ADAM18: variants seen among roughly 807,000 people sequenced by gnomAD.
ADAM18 encodes the protein ADAM metallopeptidase domain 18.
ADAM18 carries 117 observed loss-of-function variants against 94.4 expected under a neutral mutation model. The observed-to-expected ratio is 1.24, with a 90% confidence interval of 1.07 to 1.45. ADAM18 has a LOEUF of 1.45. Ranked by LOEUF, ADAM18 falls within the 40% of genes most tolerant of loss-of-function variation. The probability of loss-of-function intolerance (pLI) is 0.00; values close to 1 mark genes in which losing one functional copy is unlikely to be tolerated. For missense variants in ADAM18, 936 were observed against 880.0 expected (o/e 1.06, Z -0.81); for synonymous variants, 327 against 291.6 (o/e 1.12, Z -1.24).
intron 15 of ADAM18, among the ~76,000 whole-genome samples, chr8:39,678,960 T>G (rs1821364948): frequency 6.6e-6 from 1 of 152,178 alleles, no homozygotes; most frequent in Non-Finnish European, 1.5e-5. Context: ...TTGTACTCAG[T>G]AGCCAGACTG....
chr8:39,588,747 G>A lies in ADAM18; in HGVS notation c.132+3395G>A, dbSNP rs185100677. On this transcript the variant is annotated intron_variant, in intron 2 of 19. Transcript: ENST00000265707. ...TGCAAGCACGCCTGCAATTGAACAA[G>A]TGAGGATTATTACACACTGCAGTGA... 3.7e-4 allele frequency among the ~76,000 whole-genome samples: 57 copies of A among 152,324 alleles called. No homozygotes were observed. The East Asian group carries it at 9.1e-3, about 24-fold the overall frequency.
Position 39,695,571 on chromosome 8 carries a change from T to A in ADAM18, c.1902+2891T>A, listed in dbSNP as rs565943006. On this transcript the variant is annotated intron_variant, in intron 17 of 19. Transcript: ENST00000265707. ...CATCTTAATCTTTTGCCTGTTTTTT[T>A]AAAAATATATCCTCCATTATCCCCT... 7.3e-5 allele frequency among the ~76,000 whole-genome samples: 11 copies of A among 151,364 alleles called. No homozygotes were observed. In the East Asian group the frequency reaches 1.4e-3, roughly 19 times the overall value.
At chr8:39,616,210 C>T (rs1819432956) in intron 6 of ADAM18, among the ~76,000 whole-genome samples, 1 of 152,046 alleles carries the variant, frequency 6.6e-6, no homozygotes, top group Admixed American at 6.6e-5. Context: ...TTGAGACCAG[C>T]CTGGCCAACA....
intron 17 of ADAM18, among the ~76,000 whole-genome samples, chr8:39,704,697 C>T (rs1259986801): frequency 1.3e-5 from 2 of 152,084 alleles, no homozygotes; most frequent in Non-Finnish European, 2.9e-5. Flanking sequence ...TTTCTCCTTG[C>T]ACATGCAGTT....
intron 7 of ADAM18, 122 bp downstream of exon 7, chr8:39,629,561 T>C: frequency 1.6e-6 from 1 of 625,072 alleles, no homozygotes; most frequent in East Asian, 3.2e-5. Flanking sequence ...CTTCCTCCAT[T>C]GTCTCCTTAT....
intron 16 of ADAM18, among the ~76,000 whole-genome samples, chr8:39,680,434 G>A (rs1821423482): frequency 6.6e-6 from 1 of 152,032 alleles, no homozygotes; most frequent in African/African-American, 2.4e-5. Flanking sequence ...CAGTCCTTAT[G>A]TTAAAAAAAG....
intron 14 of ADAM18, among the ~76,000 whole-genome samples, chr8:39,670,609 A>G (rs1340673335): frequency 6.6e-6 from 1 of 152,248 alleles, no homozygotes; most frequent in African/African-American, 2.4e-5. Flanking sequence ...ATATTCAACC[A>G]GATGGACATT....
intron 12 of ADAM18, among the ~76,000 whole-genome samples, chr8:39,658,540 C>T (rs893990791): frequency 6.6e-6 from 1 of 152,090 alleles, no homozygotes; most frequent in African/African-American, 2.4e-5. Context: ...TAGATTCTAC[C>T]AGAAAGCTTC....
chr8:39,680,159 C>T lies in ADAM18; in HGVS notation c.1754C>T (p.Ser585Phe). The T allele has an allele frequency of 6.2e-7, 1 of 1,613,800 alleles. No individual in the cohort carries two copies. Residue 585 changes from serine (S) to phenylalanine (F), a missense_variant, in exon 16 of 20, where the codon TCC (serine) becomes TTC (phenylalanine). Transcript: ENST00000265707. ...GTATGTGTATCTATAGCCACTGGTT[C>T]CTCCATGAGATCAGATGGAACAGAC... Reference protein sequence around the residue: ...DHVCVSIATGSSMRSDGTDNA... With the variant: ...DHVCVSIATGFSMRSDGTDNA...
At chr8:39,662,577 A>C (rs772939047) in intron 12 of ADAM18, among the ~76,000 whole-genome samples, 1 of 152,222 alleles carries the variant, frequency 6.6e-6, no homozygotes, top group Non-Finnish European at 1.5e-5. Context: ...TGTTATTTAC[A>C]TACAAATAAT....
intron 17 of ADAM18, among the ~76,000 whole-genome samples, chr8:39,703,732 T>C (rs78620758): frequency 6.6e-6 from 1 of 152,040 alleles, no homozygotes; most frequent in Non-Finnish European, 1.5e-5. Context: ...TGAAGGAAAT[T>C]GAGACACACA....
intron 7 of ADAM18, among the ~76,000 whole-genome samples, chr8:39,634,272 G>A (rs940251263): frequency 1.4e-4 from 21 of 152,140 alleles, no homozygotes; most frequent in African/African-American, 5.1e-4. Context: ...GAGTGCAAGA[G>A]CTGTGGTGGC....
intron 14 of ADAM18, among the ~76,000 whole-genome samples, chr8:39,676,331 AC>A (rs1224212544): frequency 1.3e-5 from 2 of 152,084 alleles, no homozygotes; most frequent in Admixed American, 6.6e-5. Context: ...CACTTTGTTT[AC>A]CTACTCAAGC....
At chr8:39,663,075 C>T (rs1171329706) in intron 12 of ADAM18, among the ~76,000 whole-genome samples, 3 of 152,084 alleles carry the variant, frequency 2.0e-5, no homozygotes, top group Admixed American at 2.0e-4. Flanking sequence ...ACTTTATTTA[C>T]AATTGGAATC....
At chr8:39,699,189 C>G (rs185468246) in intron 17 of ADAM18, among the ~76,000 whole-genome samples, 1 of 152,118 alleles carries the variant, frequency 6.6e-6, no homozygotes, top group East Asian at 1.9e-4. Context: ...ATTATCATTC[C>G]TTAAAGAACT....
chr8:39,626,530 T>C (rs1819775414), intron 6 of ADAM18, among the ~76,000 whole-genome samples: 1 of 152,036 alleles, frequency 6.6e-6, no homozygotes, highest in Admixed American at 6.6e-5. Context: ...CTTTTTGATG[T>C]AGGCATTTGG....
intron 2 of ADAM18, chr8:39,605,740 C>T: frequency 9.1e-6 from 2 of 220,586 alleles, no homozygotes; most frequent in Non-Finnish European, 1.8e-5. Flanking sequence ...TTTTGGGGAG[C>T]AGGTGGTATT....
intron 2 of ADAM18, among the ~76,000 whole-genome samples, chr8:39,585,784 A>G (rs955714871): frequency 6.6e-6 from 1 of 152,214 alleles, no homozygotes; most frequent in Non-Finnish European, 1.5e-5. Context: ...AATTTTAAAA[A>G]AGCAAAGAAA....
intron 10 of ADAM18, among the ~76,000 whole-genome samples, chr8:39,640,594 G>A (rs1464196066): frequency 6.6e-6 from 1 of 152,054 alleles, no homozygotes; most frequent in Non-Finnish European, 1.5e-5. Context: ...AGTCTTTGAG[G>A]AATTGCCACA....
Sources: gnomAD v4.1 joint callset for allele counts (sites outside exome capture counted in the v4.1 genomes callset) on GRCh38, gnomAD v4.1.1 for gene constraint, MANE v1.5 for transcripts, NCBI Gene and HGNC (gene_info 2026-07-23, HGNC 2026-07-21) for gene names.